The following GDA variants were observed in gnomAD, a reference collection of about 807,000 sequenced individuals.
GDA encodes guanine deaminase, also known as cytoplasmic PSD-95 interactor.
A neutral mutation model predicts 59.6 loss-of-function variants in GDA; 18 were observed. The observed-to-expected ratio is 0.30, with a 90% CI of 0.21 to 0.45. GDA has a LOEUF of 0.45. GDA is among the 20% of genes least tolerant of loss of function. The pLI, the probability that GDA is intolerant of heterozygous loss-of-function variation, is 1.00. For missense variants in GDA, 427 were observed against 552.3 expected (o/e 0.77, Z 2.27); for synonymous variants, 201 against 201.1 (o/e 1.00, Z 0.00).
intron 1 of GDA, among the ~76,000 whole-genome samples, chr9:72,141,816 T>A (rs902542203): frequency 6.6e-6 from 1 of 152,186 alleles, no homozygotes; most frequent in African/African-American, 2.4e-5. Flanking sequence ...CTAATAGGAT[T>A]CATTTCATGC....
chr9:72,123,398 G>A (rs1347849977), intron 1 of GDA, among the ~76,000 whole-genome samples: 1 of 151,446 alleles, frequency 6.6e-6, no homozygotes, highest in African/African-American at 2.4e-5. Context: ...TTAGCCAGGA[G>A]GGTCTTGATC....
intron 1 of GDA, among the ~76,000 whole-genome samples, chr9:72,121,206 A>G (rs529629926): frequency 2.6e-5 from 4 of 152,306 alleles, no homozygotes; most frequent in Admixed American, 2.0e-4. Flanking sequence ...CATTATGCAC[A>G]TGAGGGAAAT....
intron 1 of GDA, among the ~76,000 whole-genome samples, chr9:72,194,550 G>A (rs140515685): frequency 2.0e-5 from 3 of 152,162 alleles, no homozygotes; most frequent in East Asian, 1.9e-4. Context: ...AGTCTCTTTT[G>A]GAGCCATGAG....
chr9:72,215,047 C>G (rs1420187203), intron 5 of GDA, among the ~76,000 whole-genome samples: 1 of 152,020 alleles, frequency 6.6e-6, no homozygotes, highest in East Asian at 1.9e-4. Context: ...AGTTCTTTCT[C>G]TCATGATATA....
In GDA at chr9:72,248,869, A is replaced by G. The variant is rs1159657012; in HGVS notation, c.*527A>G. 2.0e-6 allele frequency: 2 copies of G among 985,276 alleles called. No individual in the cohort carries two copies. Among genetic ancestry groups the G allele is most frequent in the African/African-American group, 1.7e-5 (1 of 57,212 alleles). The allele number at this position is 985,276 out of a possible 1,614,324, so 61.0% of individuals were successfully genotyped here. ...CTAATTTAAAAAGAGAACTTGTTGA[A>G]ATTTAAAACGTGTTTCTAGGTTGAC... On this transcript the variant is annotated 3_prime_UTR_variant, in exon 14 of 14. Coordinates refer to ENST00000358399, the MANE Select transcript of GDA (RefSeq NM_004293.5).
intron 1 of GDA, among the ~76,000 whole-genome samples, chr9:72,119,190 A>G (rs1825574250): frequency 6.6e-6 from 1 of 152,204 alleles, no homozygotes; most frequent in Non-Finnish European, 1.5e-5. Context: ...GTTTAGGAAT[A>G]AAGGATTAGC....
downstream of GDA, among the ~76,000 whole-genome samples, chr9:72,259,669 A>G (rs1221554455): frequency 2.0e-5 from 3 of 152,164 alleles, no homozygotes; most frequent in Non-Finnish European, 4.4e-5. Context: ...AGATTCTGAT[A>G]TATGCTGCCC....
intron 1 of GDA, among the ~76,000 whole-genome samples, chr9:72,164,575 A>G (rs1253744203): frequency 6.6e-6 from 1 of 152,222 alleles, no homozygotes; most frequent in African/African-American, 2.4e-5. Context: ...TGAGAAAAAT[A>G]ATTGCTTCCA....
intron 1 of GDA, among the ~76,000 whole-genome samples, chr9:72,178,599 G>A (rs1410742543): frequency 6.6e-6 from 1 of 152,008 alleles, no homozygotes; most frequent in African/African-American, 2.4e-5. Flanking sequence ...TGTATTTTTA[G>A]TAGAGGCAGG....
downstream of GDA, chr9:72,257,138 A>G (rs937161542): frequency 2.0e-5 from 3 of 152,494 alleles, no homozygotes; most frequent in Non-Finnish European, 4.4e-5. Flanking sequence ...TTCCCACCAC[A>G]TGCAGAAACC....
At chr9:72,124,445 CAT>C (rs1457257473) in intron 1 of GDA, among the ~76,000 whole-genome samples, 1 of 152,192 alleles carries the variant, frequency 6.6e-6, no homozygotes, top group Non-Finnish European at 1.5e-5. Flanking sequence ...AAATGTGAGA[CAT>C]ATGTCTTTAG....
At chr9:72,192,639 T>C (rs889851752) in intron 1 of GDA, among the ~76,000 whole-genome samples, 3 of 151,274 alleles carry the variant, frequency 2.0e-5, no homozygotes, top group African/African-American at 7.3e-5. Context: ...CCCAGCACTT[T>C]GGGAAGCCAA....
intron 12 of GDA, 83 bp downstream of exon 12, chr9:72,245,361 C>A (rs373295085): frequency 9.9e-7 from 1 of 1,008,560 alleles, no homozygotes; most frequent in South Asian, 1.4e-5. Context: ...AAATAGAAAC[C>A]GAAACTTTTT....
intron 10 of GDA, among the ~76,000 whole-genome samples, chr9:72,232,696 T>A (rs1211561209): frequency 6.6e-6 from 1 of 152,238 alleles, no homozygotes; most frequent in East Asian, 1.9e-4. Context: ...GACTTCCTTT[T>A]CTTGACTTTG....
downstream of GDA, among the ~76,000 whole-genome samples, chr9:72,253,065 A>T (rs1840795205): frequency 1.3e-5 from 2 of 152,144 alleles, no homozygotes. Flanking sequence ...ACACAGAAAC[A>T]CTTTGCATCT....
intron 1 of GDA, among the ~76,000 whole-genome samples, chr9:72,192,678 G>A (rs376208941): frequency 2.3e-4 from 35 of 151,118 alleles, no homozygotes; most frequent in African/African-American, 7.5e-4. Context: ...TCAGGAGATC[G>A]AGACCATCCT....
At chr9:72,145,055 A>C (rs73647201), upstream of GDA, among the ~76,000 whole-genome samples, 1,220 of 152,224 alleles carry the variant, frequency 8.0e-3, 21 homozygotes, top group African/African-American at 0.027. Context: ...AGAGAGGAAA[A>C]GTGGCCTCTC....
rs559512415 is a variant in GDA, at chr9:72,243,810, A to G, written c.1136-1338A>G. Among the ~76,000 whole-genome samples the G allele has an allele frequency of 2.6e-5, 4 of 152,340 alleles. No homozygotes were observed. The South Asian group carries it at 8.3e-4, about 32-fold the overall frequency. ...TATAATGTATTAGATATTGCCTAACAAAGGTAGTCGATTCAATATTTTCAC... is the reference window on the plus strand; with the variant it reads ...TATAATGTATTAGATATTGCCTAACGAAGGTAGTCGATTCAATATTTTCAC... On this transcript the variant is annotated intron_variant, in intron 11 of 13. Transcript: ENST00000358399.
chr9:72,224,234 T>C (rs1195936781), intron 7 of GDA, among the ~76,000 whole-genome samples: 2 of 152,302 alleles, frequency 1.3e-5, no homozygotes, highest in East Asian at 3.9e-4. Flanking sequence ...GAGAGATGCA[T>C]GTGGATGTAT....
Sources: allele counts gnomAD v4.1 joint callset (sites outside exome capture counted in the v4.1 genomes callset), GRCh38; gene constraint gnomAD v4.1.1; transcripts MANE v1.5; gene names NCBI Gene and HGNC (gene_info 2026-07-23, HGNC 2026-07-21).